ZGRF1: variants seen among roughly 807,000 people sequenced by gnomAD.
ZGRF1 encodes 5'-3' DNA helicase ZGRF1.
In ZGRF1, 196 loss-of-function variants were observed where a neutral mutation model predicts 203.5. The observed-to-expected ratio is 0.96, with a 90% CI of 0.86 to 1.08. The LOEUF (loss-of-function observed/expected upper bound fraction) is 1.08, where lower values mean the gene tolerates loss of function less well. Ranked by LOEUF, ZGRF1 falls within the 50% of genes least tolerant of loss-of-function variation. The pLI is 0.00. For missense variants in ZGRF1, 2,326 were observed against 2,416.3 expected (o/e 0.96, Z 0.78); for synonymous variants, 809 against 841.3 (o/e 0.96, Z 0.66).
rs1745411125 is a variant in ZGRF1 at position 112,577,212 on chromosome 4, A to G, written c.4438+4451T>C. 1.6e-5 allele frequency among the ~76,000 whole-genome samples: 2 copies of G among 122,644 alleles called. 1 individual carries two copies. Among genetic ancestry groups the G allele is most frequent in the East Asian group, 4.8e-4 (2 of 4,182 alleles). The allele number at this position is 122,644 out of a possible 152,430, so 80.5% of individuals were successfully genotyped here. Reference sequence around the variant, plus strand: ...AAGTGAAGGAGAAATAAAATCCTTTACAGACAAGCAAATGCTGAGAGATTT... The same window carrying G: ...AAGTGAAGGAGAAATAAAATCCTTTGCAGACAAGCAAATGCTGAGAGATTT... On this transcript the variant is annotated intron_variant, in intron 16 of 27. Transcript: ENST00000505019.
At chr4:112,547,221 A>AACAC in intron 24 of ZGRF1, 64 bp downstream of exon 24, 3 of 1,410,778 alleles carry the variant, frequency 2.1e-6, no homozygotes, top group South Asian at 1.5e-5. Flanking sequence ...ATTCTCTATC[A>AACAC]ACACACACAC....
At chr4:112,635,778 A>C (rs1030655317) in intron 1 of ZGRF1, among the ~76,000 whole-genome samples, 3 of 151,852 alleles carry the variant, frequency 2.0e-5, no homozygotes, top group African/African-American at 7.2e-5. Flanking sequence ...AATAAGCATT[A>C]TTACAATTTA....
chr4:112,615,633 CTTTTTT>C (rs1190163561), intron 6 of ZGRF1, among the ~76,000 whole-genome samples: 1 of 139,130 alleles, frequency 7.2e-6, no homozygotes, highest in Non-Finnish European at 1.6e-5. Flanking sequence ...AAGCTTTTTA[CTTTTTT>C]TTTTTTTTTT....
intron 16 of ZGRF1, among the ~76,000 whole-genome samples, chr4:112,580,986 T>C (rs1022568494): frequency 2.0e-5 from 3 of 152,138 alleles, no homozygotes; most frequent in African/African-American, 7.2e-5. Context: ...CATGTATGTT[T>C]ATTGCAGCAC....
intron 3 of ZGRF1, among the ~76,000 whole-genome samples, chr4:112,625,428 C>CA (rs1172376835): frequency 2.0e-5 from 3 of 149,254 alleles, no homozygotes; most frequent in Non-Finnish European, 4.5e-5. Flanking sequence ...ACTAAAAATA[C>CA]AAAAAAATTA....
At position 112,585,708 on chromosome 4, in the gene ZGRF1, G is replaced by T; in HGVS notation, c.3934C>A (p.Leu1312Met). The T allele has an allele frequency of 6.5e-7, 1 of 1,543,920 alleles. No homozygotes were observed. Among genetic ancestry groups the T allele is most frequent in the African/African-American group, 1.4e-5 (1 of 69,994 alleles). Residue 1312 changes from leucine to methionine, a missense_variant, in exon 14 of 28, where the codon CTG (leucine) becomes ATG (methionine). Transcript: ENST00000505019. Reference protein sequence around the residue: ...SCLIEHLNILLFGLAQNLQKA... With the variant: ...SCLIEHLNILMFGLAQNLQKA... ...TGCAGGTTTTGTGCTAACCCAAACA[G>T]CAATATATTTAGATGTTCTACAAAA...
In ZGRF1 at chr4:112,586,531, G is replaced by A. The variant is rs1747221678; in HGVS notation, c.3830C>T (p.Ala1277Val). 1 of 1,612,996 alleles carries A rather than the reference G, an allele frequency of 6.2e-7. No individual in the cohort carries two copies. Among genetic ancestry groups the A allele is most frequent in the Non-Finnish European group, 8.5e-7 (1 of 1,179,320 alleles). The stretch of plus-strand genomic sequence containing the variant: ...GTGAATTTGCCTTTGGGGAAGATAA[G>A]CAGATTTTATTTTCTGCCCACTTGG... ...CFPSGQKIKS[A>V]YLPQRQIHIP... The change falls in exon 13 of 28, where the codon GCT becomes GTT. Residue 1277 changes from alanine to valine, a missense_variant. Coordinates refer to ENST00000505019, the MANE Select transcript of ZGRF1 (RefSeq NM_018392.5).
intron 10 of ZGRF1, among the ~76,000 whole-genome samples, chr4:112,599,331 C>T (rs1749553592): frequency 6.6e-6 from 1 of 151,938 alleles, no homozygotes; most frequent in African/African-American, 2.4e-5. Flanking sequence ...CATCCAAATT[C>T]CCAGCTTGTA....
chr4:112,550,580 C>T (rs1383470026), intron 22 of ZGRF1, among the ~76,000 whole-genome samples: 3 of 152,036 alleles, frequency 2.0e-5, no homozygotes, highest in Admixed American at 6.6e-5. Context: ...AGGCCGGGCG[C>T]GGTGGCTCAC....
In ZGRF1 at chr4:112,584,072, G is replaced by A. The variant is rs1746734031; in HGVS notation, c.4204C>T (p.Arg1402Ter). The A allele has an allele frequency of 9.3e-6, 15 of 1,613,258 alleles. No individual in the cohort carries two copies. Among genetic ancestry groups the A allele is most frequent in the East Asian group, 2.2e-5 (1 of 44,830 alleles). ...TPGYSTQEGA[R>*]PGMVLSDIKS... ...ATATCACTTAAAACCATGCCAGGTCGAGCTCCTTCCTGTGTTGAATATCCT... is the reference window on the plus strand; with the variant it reads ...ATATCACTTAAAACCATGCCAGGTCAAGCTCCTTCCTGTGTTGAATATCCT... The change falls in exon 15 of 28, where the codon CGA (arginine) becomes TGA (stop). Residue 1402 changes from arginine to a stop codon, truncating the protein, a stop_gained. Coordinates refer to ENST00000505019, the MANE Select transcript of ZGRF1 (RefSeq NM_018392.5). LOFTEE classifies it high-confidence loss of function.
Position 112,541,196 on chromosome 4 carries a change from A to T in ZGRF1, c.5671T>A (p.Phe1891Ile), listed in dbSNP as rs754850790. The T allele has an allele frequency of 1.2e-6, 2 of 1,612,652 alleles. No individual in the cohort carries two copies. The highest frequency in any genetic ancestry group is 1.7e-6 in the Non-Finnish European group (2 of 1,179,064). Residue 1891 changes from phenylalanine to isoleucine, a missense_variant, in exon 25 of 28, where the codon TTT becomes ATT. Transcript: ENST00000505019. ...PAISAIANDL[F>I]YKGALMNGVT... ...CCATTCATGAGGGCTCCTTTGTAAA[A>T]CAGATCATTAGCAATAGCACTGATT... is the stretch of plus-strand genomic sequence containing the variant.
intron 24 of ZGRF1, among the ~76,000 whole-genome samples, chr4:112,546,332 G>A (rs896397847): frequency 1.3e-5 from 2 of 152,218 alleles, no homozygotes; most frequent in Non-Finnish European, 2.9e-5. Flanking sequence ...ACCAGACAGA[G>A]GTAGTGGTTA....
chr4:112,561,078 C>G (rs1741887838), intron 18 of ZGRF1, 83 bp from the exon 19 acceptor site: 3 of 1,118,224 alleles, frequency 2.7e-6, no homozygotes, highest in Non-Finnish European at 2.6e-6. Flanking sequence ...ACTTAGCCAT[C>G]ACTTTGTAAG....
Position 112,581,667 on chromosome 4 carries a change from G to A in ZGRF1, c.4434C>T (p.Ser1478=), listed in dbSNP as rs561737889. 191 of 1,576,872 alleles carry A rather than the reference G, an allele frequency of 1.2e-4. 3 individuals are homozygous for A. The South Asian group carries it at 2.2e-3, about 18-fold the overall frequency. Residue 1478 remains serine, a synonymous_variant, in exon 16 of 28, where the codon AGC becomes AGT. Transcript: ENST00000505019. ...LSRKERSSAY[S]KNDLWVVSKT... The stretch of plus-strand genomic sequence containing the variant: ...AGTATGATCAGATCAACTTACTTTT[G>A]CTATAAGCTGAAGATCTTTCCTTCC...
In ZGRF1 at chr4:112,569,502, C is replaced by T. The variant is rs1743816501; in HGVS notation, c.4439-6228G>A. Among the ~76,000 whole-genome samples the T allele has an allele frequency of 2.0e-5, 3 of 152,120 alleles. No individual in the cohort carries two copies. In the South Asian group the frequency reaches 6.2e-4, roughly 32 times the overall value. The stretch of plus-strand genomic sequence containing the variant: ...CCTACAGACTCTACCTTGAGTAGCA[C>T]TAGTCTAGATTTTGTCAACTGGGGG... On this transcript the variant is annotated intron_variant, in intron 16 of 27. Transcript: ENST00000505019.
intron 24 of ZGRF1, among the ~76,000 whole-genome samples, chr4:112,546,060 A>G (rs1738687356): frequency 7.2e-6 from 1 of 138,028 alleles, no homozygotes; most frequent in Admixed American, 7.3e-5. Flanking sequence ...AACATTATGA[A>G]TGTACTTTAA....
chr4:112,634,775 T>C (rs2047527621), intron 1 of ZGRF1, among the ~76,000 whole-genome samples: 1 of 152,162 alleles, frequency 6.6e-6, no homozygotes, highest in Non-Finnish European at 1.5e-5. Context: ...GAGATATGCA[T>C]ACTTGCTTCG....
At chr4:112,579,316 C>T (rs371080801) in intron 16 of ZGRF1, among the ~76,000 whole-genome samples, 15 of 122,734 alleles carry the variant, frequency 1.2e-4, no homozygotes, top group African/African-American at 3.4e-4. Flanking sequence ...GCCAATATCA[C>T]ACTGAATGGG....
At chr4:112,613,859 C>T (rs1051162992) in intron 6 of ZGRF1, among the ~76,000 whole-genome samples, 7 of 151,954 alleles carry the variant, frequency 4.6e-5, no homozygotes, top group Admixed American at 3.3e-4. Context: ...GTGATAATTA[C>T]GGTAAAAAAT....
Sources: allele counts gnomAD v4.1 joint callset (sites outside exome capture counted in the v4.1 genomes callset), GRCh38; gene constraint gnomAD v4.1.1; transcripts MANE v1.5; gene names NCBI Gene and HGNC (gene_info 2026-07-23, HGNC 2026-07-21).